ARID1B: variants seen among roughly 807,000 people sequenced by gnomAD.
The protein encoded by ARID1B is AT-rich interactive domain-containing protein 1B.
Under a neutral mutation model 212.3 loss-of-function variants are expected in ARID1B, and 30 were observed. The ratio of observed to expected loss-of-function variants is 0.14; its 90% CI spans 0.11 to 0.19. The LOEUF is 0.19. Among genes scored for constraint, ARID1B ranks in the 10% least tolerant of loss-of-function variants. The probability of loss-of-function intolerance (pLI) is 1.00; values close to 1 mark genes in which losing one functional copy is unlikely to be tolerated. For synonymous variants in ARID1B, 1,402 were observed against 1,301.7 expected, an observed-to-expected ratio of 1.08 and a Z score of -1.66; for missense variants, 2,891 against 3,204.0, an observed-to-expected ratio of 0.90 and a Z score of 2.36.
intron 2 of ARID1B, among the ~76,000 whole-genome samples, chr6:156,899,392 C>T (rs1788745132): frequency 6.6e-6 from 1 of 152,178 alleles, no homozygotes; most frequent in South Asian, 2.1e-4. Flanking sequence ...AGGGAGAGCC[C>T]CTCTGTGCTG....
upstream of ARID1B, among the ~76,000 whole-genome samples, chr6:156,776,161 C>T (rs1778613117): frequency 6.6e-6 from 1 of 152,214 alleles, no homozygotes; most frequent in African/African-American, 2.4e-5. Flanking sequence ...TAAATGCTTT[C>T]TCTCAATGAA....
In ARID1B at chr6:156,778,097, C is replaced by G. The variant is rs555625059; in HGVS notation, c.417C>G (p.Gly139=). ...AASSSSSSGP[G]SAMETGLLPN... ...CCTCTTCCTCCTCGTCGGGCCCGGG[C>G]TCGGCCATGGAGACGGGGCTGCTCC... Residue 139 remains glycine, a synonymous_variant, in exon 1 of 20, where the codon GGC becomes GGG. Coordinates refer to ENST00000636930, the MANE Select transcript of ARID1B (RefSeq NM_001374828.1). 1.1e-4 allele frequency: 168 copies of G among 1,540,688 alleles called. No homozygotes were observed. The highest frequency in any genetic ancestry group is 1.8e-4 in the Middle Eastern group (1 of 5,650).
intron 4 of ARID1B, among the ~76,000 whole-genome samples, chr6:157,062,873 T>G (rs1322651310): frequency 2.6e-5 from 4 of 151,596 alleles, no homozygotes; most frequent in Non-Finnish European, 5.9e-5. Flanking sequence ...CTGCCTAATT[T>G]TTTGTATTTT....
At chr6:157,046,370 A>T (rs572756892) in intron 4 of ARID1B, among the ~76,000 whole-genome samples, 25 of 152,216 alleles carry the variant, frequency 1.6e-4, no homozygotes, top group African/African-American at 6.0e-4. Flanking sequence ...GTCTCACCTG[A>T]TGTCTGGCTT....
chr6:156,895,929 T>G (rs1050440922), intron 2 of ARID1B, among the ~76,000 whole-genome samples: 4 of 152,248 alleles, frequency 2.6e-5, no homozygotes, highest in African/African-American at 7.2e-5. Context: ...CAGTATACAC[T>G]AATATCTTAC....
chr6:157,003,593 A>C (rs1779028430), intron 4 of ARID1B, among the ~76,000 whole-genome samples: 1 of 152,222 alleles, frequency 6.6e-6, no homozygotes, highest in Non-Finnish European at 1.5e-5. Flanking sequence ...ACATGGGAAA[A>C]GGAGCAAGGT....
intron 1 of ARID1B, among the ~76,000 whole-genome samples, chr6:156,822,521 T>C (rs1181848830): frequency 6.6e-6 from 1 of 152,240 alleles, no homozygotes; most frequent in East Asian, 1.9e-4. Context: ...TCTGCAGTAG[T>C]GGTGGCAGTG....
In ARID1B at chr6:156,778,682, C is replaced by T. The variant is rs1475178628; in HGVS notation, c.1002C>T (p.Cys334=). The stretch of plus-strand genomic sequence containing the variant: ...GCCCCGGCGGCCGCGCTGGGCCTTG[C>T]TTTGATCAACATGGCGGACAACAAA... ...SGGPGGRAGP[C]FDQHGGQQSP... The change falls in exon 1 of 20, where the codon TGC becomes TGT. Residue 334 remains cysteine, a synonymous_variant. Transcript: ENST00000636930. 7.3e-6 allele frequency: 11 copies of T among 1,508,282 alleles called. No homozygotes were observed. The highest frequency in any genetic ancestry group is 2.1e-5 in the Admixed American group (1 of 48,106). 93.4% of individuals were successfully genotyped at this position (1,508,282 alleles called of 1,614,324 possible).
chr6:157,018,916 C>T (rs954932825), intron 4 of ARID1B, among the ~76,000 whole-genome samples: 1 of 151,964 alleles, frequency 6.6e-6, no homozygotes, highest in Non-Finnish European at 1.5e-5. Context: ...GACTTGGAAG[C>T]ATGACCTCAA....
intron 4 of ARID1B, among the ~76,000 whole-genome samples, chr6:157,029,229 C>G (rs1583177083): frequency 3.3e-5 from 5 of 152,302 alleles, no homozygotes; most frequent in Admixed American, 3.3e-4. Context: ...ATGTGTAATG[C>G]ATGCAAGCAT....
At chr6:156,989,811 G>A (rs1216280370) in intron 4 of ARID1B, among the ~76,000 whole-genome samples, 2 of 152,142 alleles carry the variant, frequency 1.3e-5, no homozygotes, top group African/African-American at 4.8e-5. Context: ...GGTGGGAGTG[G>A]CAGTAGCAGT....
At chr6:156,835,104 G>C (rs1254025567) in intron 2 of ARID1B, among the ~76,000 whole-genome samples, 1 of 152,040 alleles carries the variant, frequency 6.6e-6, no homozygotes, top group Non-Finnish European at 1.5e-5. Context: ...AGCCGGCGTG[G>C]TGGCGGGCGC....
At chr6:157,004,900 T>TTTTGTTG (rs1562542268) in intron 4 of ARID1B, among the ~76,000 whole-genome samples, 1 of 79,840 alleles carries the variant, frequency 1.3e-5, no homozygotes, top group Non-Finnish European at 2.4e-5. Flanking sequence ...CTTTTTTCTT[T>TTTTGTTG]TTTTTTTTTT....
chr6:156,918,041 C>T (rs1379484587), intron 3 of ARID1B, among the ~76,000 whole-genome samples: 2 of 152,130 alleles, frequency 1.3e-5, no homozygotes, highest in Non-Finnish European at 2.9e-5. Flanking sequence ...AATTTTTTAA[C>T]ATAAAATATC....
chr6:156,905,750 T>C (rs1789323664), intron 3 of ARID1B, among the ~76,000 whole-genome samples: 1 of 152,238 alleles, frequency 6.6e-6, no homozygotes, highest in Non-Finnish European at 1.5e-5. Context: ...CTCATTATCC[T>C]TCTTTTTCAG....
chr6:156,782,242 T>A (rs1779333809), intron 1 of ARID1B, among the ~76,000 whole-genome samples: 1 of 152,034 alleles, frequency 6.6e-6, no homozygotes, highest in Non-Finnish European at 1.5e-5. Context: ...CATTGTTAAA[T>A]GATGAAATAT....
At chr6:156,987,325 C>G (rs537058351) in intron 4 of ARID1B, among the ~76,000 whole-genome samples, 1 of 151,770 alleles carries the variant, frequency 6.6e-6, no homozygotes, top group Non-Finnish European at 1.5e-5. Flanking sequence ...TTTCTAGATA[C>G]CAGTGCTAGT....
At chr6:157,183,499 C>T (rs927189858) in intron 12 of ARID1B, among the ~76,000 whole-genome samples, 4 of 152,230 alleles carry the variant, frequency 2.6e-5, no homozygotes, top group Admixed American at 2.0e-4. Context: ...TGTGTTTAAC[C>T]GTTTAACCTT....
intron 3 of ARID1B, among the ~76,000 whole-genome samples, chr6:156,925,669 G>A (rs1259060655): frequency 6.6e-6 from 1 of 151,992 alleles, no homozygotes; most frequent in African/African-American, 2.4e-5. Flanking sequence ...TTGGCCTCTG[G>A]GATTAGTTGC....
Sources: gnomAD v4.1 joint callset for allele counts (sites outside exome capture counted in the v4.1 genomes callset) on GRCh38, gnomAD v4.1.1 for gene constraint, MANE v1.5 for transcripts, NCBI Gene and HGNC (gene_info 2026-07-23, HGNC 2026-07-21) for gene names.